The following CISH variants were observed in gnomAD, a reference collection of about 807,000 sequenced individuals.
CISH encodes cytokine-inducible SH2-containing protein.
CISH carries 11 observed loss-of-function variants against 21.3 expected under a neutral mutation model. The ratio of observed to expected loss-of-function variants is 0.52; its 90% confidence interval spans 0.32 to 0.85. The LOEUF is 0.85. Ranked by LOEUF, CISH falls within the 40% of genes least tolerant of loss-of-function variation. The probability of loss-of-function intolerance (pLI) is 0.03; values close to 1 mark genes in which losing one functional copy is unlikely to be tolerated. For missense variants in CISH, 280 were observed against 351.7 expected (o/e 0.80, Z 1.63); for synonymous variants, 118 against 142.3 (o/e 0.83, Z 1.22).
chr3:50,608,567 C>G lies in CISH; in HGVS notation c.47G>C (p.Arg16Pro), dbSNP rs561018699. ...QGPRPLLAVE[R>P]TGQRPLWAPS... ...GGCCCACAGGGGCCGCTGCCCAGTCCGCTCCACAGCCAGCAAAGGACGAGG... is the reference window on the plus strand; with the variant it reads ...GGCCCACAGGGGCCGCTGCCCAGTCGGCTCCACAGCCAGCAAAGGACGAGG... Residue 16 changes from arginine (R) to proline (P), a missense_variant, in exon 2 of 3, where the codon CGG becomes CCG. Coordinates refer to ENST00000348721, the MANE Select transcript of CISH (RefSeq NM_145071.4). 6.4e-7 allele frequency: 1 copy of G among 1,552,118 alleles called. No individual in the cohort carries two copies. The highest frequency in any genetic ancestry group is 1.2e-5 in the South Asian group (1 of 81,820).
chr3:50,610,068 A>C (rs2050784667), intron 1 of CISH: 2 of 416,702 alleles, frequency 4.8e-6, no homozygotes, highest in Non-Finnish European at 8.9e-6. Flanking sequence ...CAACTCTGGC[A>C]CACCACAGCC....
rs17051027 is a variant in CISH at position 50,610,003 on chromosome 3, T to G, written c.21-1410A>C. 1,151 of 252,844 alleles carry G rather than the reference T, an allele frequency of 4.6e-3. 9 individuals are homozygous for G. Among genetic ancestry groups the G allele is most frequent in the African/African-American group, 0.023 (1,056 of 45,324 alleles). 15.7% of individuals were successfully genotyped at this position (252,844 alleles called of 1,614,324 possible). On this transcript the variant is annotated intron_variant, in intron 1 of 2. Coordinates refer to ENST00000348721, the MANE Select transcript of CISH (RefSeq NM_145071.4). Reference sequence around the variant, plus strand: ...CTCCTGTGTAGGTTATAGGTGACCCTCTAGGTTCTAACAAATCATGGCCCT... The same window carrying G: ...CTCCTGTGTAGGTTATAGGTGACCCGCTAGGTTCTAACAAATCATGGCCCT...
chr3:50,608,113 C>T lies in CISH; in HGVS notation c.271G>A (p.Glu91Lys), dbSNP rs766498255. The T allele has an allele frequency of 1.3e-5, 21 of 1,608,066 alleles. No homozygotes were observed. The highest frequency in any genetic ancestry group is 2.7e-5 in the African/African-American group (2 of 74,812). Reference sequence around the variant, plus strand: ...ATCTTCTGCAGGTGTTGTCGGGCCTCGCTGGCCGTAATGGAACCCCAATAC... The same window carrying T: ...ATCTTCTGCAGGTGTTGTCGGGCCTTGCTGGCCGTAATGGAACCCCAATAC... ...GWYWGSITAS[E>K]ARQHLQKMPE... The change falls in exon 3 of 3, where the codon GAG becomes AAG. Residue 91 changes from glutamate (E) to lysine (K), a missense_variant. Coordinates refer to ENST00000348721, the MANE Select transcript of CISH (RefSeq NM_145071.4).
intron 1 of CISH, chr3:50,610,151 C>T: frequency 3.4e-6 from 2 of 584,072 alleles, no homozygotes. Context: ...GAGCTGGAGG[C>T]CAAATTTTGA....
chr3:50,607,922 C>T lies in CISH; in HGVS notation c.462G>A (p.Pro154=), dbSNP rs150312199. 30 of 1,613,732 alleles carry T rather than the reference C, an allele frequency of 1.9e-5. No individual in the cohort carries two copies. The highest frequency in any genetic ancestry group is 3.3e-4 in the Middle Eastern group (2 of 6,084). Residue 154 remains proline (P), a synonymous_variant, in exon 3 of 3, where the codon CCG becomes CCA. Transcript: ENST00000348721. ...AGTGCTGCACAAGGCTGACCACATCCGGAAAGGCCAGGATGCGTGGCCTGG... is the reference window on the plus strand; with the variant it reads ...AGTGCTGCACAAGGCTGACCACATCTGGAAAGGCCAGGATGCGTGGCCTGG... ...CLSRPRILAF[P]DVVSLVQHYV...
In CISH at chr3:50,611,693, A is replaced by C. The variant is rs1575988499; in HGVS notation, c.-43T>G. On this transcript the variant is annotated 5_prime_UTR_variant, in exon 1 of 3. Transcript: ENST00000348721. Reference sequence around the variant, plus strand: ...GACTCCGGAGTGGGGACTCGGCTGGACGGCGGCGGCTGGAGGGAACCAGTG... The same window carrying C: ...GACTCCGGAGTGGGGACTCGGCTGGCCGGCGGCGGCTGGAGGGAACCAGTG... 1 of 1,459,062 alleles carries C rather than the reference A, an allele frequency of 6.9e-7. No homozygotes were observed. The highest frequency in any genetic ancestry group is 9.0e-7 in the Non-Finnish European group (1 of 1,106,466). 90.4% of individuals were successfully genotyped at this position (1,459,062 alleles called of 1,614,324 possible).
At chr3:50,611,418 G>A (rs2032321384) in intron 1 of CISH, 1 of 1,362,224 alleles carries the variant, frequency 7.3e-7, no homozygotes, top group African/African-American at 1.5e-5. Flanking sequence ...CCAGCCCCCG[G>A]TTTCCCAATC....
Position 50,607,316 on chromosome 3 carries a change from G to A in CISH, c.*291C>T. On this transcript the variant is annotated 3_prime_UTR_variant, in exon 3 of 3. Coordinates refer to ENST00000348721, the MANE Select transcript of CISH (RefSeq NM_145071.4). ...AGGTGGCCAGGGCAGGCAAGCGAGTGGAGGTCTGGGCCCAGCCCACAGGTG... is the reference window on the plus strand; with the variant it reads ...AGGTGGCCAGGGCAGGCAAGCGAGTAGAGGTCTGGGCCCAGCCCACAGGTG... 1 of 428,284 alleles carries A rather than the reference G, an allele frequency of 2.3e-6. No homozygotes were observed. Among genetic ancestry groups the A allele is most frequent in the East Asian group, 3.9e-5 (1 of 25,634 alleles). 26.5% of individuals were successfully genotyped at this position (428,284 alleles called of 1,614,324 possible). A position where few individuals can be genotyped will look rare whatever the true frequency, so the allele number is the denominator to read the frequency against.
chr3:50,611,241 A>G, intron 1 of CISH: 1 of 1,094,936 alleles, frequency 9.1e-7, no homozygotes, highest in East Asian at 6.8e-5. Flanking sequence ...GGCTGGTCCA[A>G]GGTTACTAGC....
At chr3:50,610,580 C>G in intron 1 of CISH, 1 of 1,491,400 alleles carries the variant, frequency 6.7e-7, no homozygotes, top group Non-Finnish European at 9.0e-7. Flanking sequence ...CAGGGGGAGG[C>G]TCCTGGGGTG....
At position 50,607,558 on chromosome 3, in the gene CISH, T is replaced by C. The variant is rs1245802861; in HGVS notation, c.*49A>G. 6.4e-7 allele frequency: 1 copy of C among 1,551,292 alleles called. No individual in the cohort carries two copies. The highest frequency in any genetic ancestry group is 2.3e-5 in the East Asian group (1 of 44,138). ...GGCCCAAGTCCAGCTGGGGCTGATG[T>C]CCCCTCCAGGGTGCGACTGGGTGAG... On this transcript the variant is annotated 3_prime_UTR_variant, in exon 3 of 3. Coordinates refer to ENST00000348721, the MANE Select transcript of CISH (RefSeq NM_145071.4).
In CISH at chr3:50,607,224, C is replaced by G. The variant is rs2032177034; in HGVS notation, c.*383G>C. 4.2e-6 allele frequency: 1 copy of G among 235,370 alleles called. No homozygotes were observed. Among genetic ancestry groups the G allele is most frequent in the Non-Finnish European group, 8.4e-6 (1 of 118,736 alleles). The allele number at this position is 235,370 out of a possible 1,614,324, so 14.6% of individuals were successfully genotyped here. On this transcript the variant is annotated 3_prime_UTR_variant, in exon 3 of 3. Coordinates refer to ENST00000348721, the MANE Select transcript of CISH (RefSeq NM_145071.4). ...TCATCCTCCCAGAAACAGAGGCTGG[C>G]TGCCAGTAGGGGTCCTACCCGACCC...
chr3:50,608,178 G>A, intron 2 of CISH, 36 bp from the exon 3 acceptor site: 1 of 1,570,492 alleles, frequency 6.4e-7, no homozygotes, highest in Non-Finnish European at 8.7e-7. Context: ...GGACATAGTG[G>A]AAATTAGCTG....
At position 50,611,748 on chromosome 3, in the gene CISH, G is replaced by T; in HGVS notation, c.-98C>A. ...CGGAGCGCGTGCTGGGTAGGCTCCC[G>T]GGGCGCGCGGGCGCAGGACAGGGAC... On this transcript the variant is annotated 5_prime_UTR_variant, in exon 1 of 3. Coordinates refer to ENST00000348721, the MANE Select transcript of CISH (RefSeq NM_145071.4). 1 of 1,381,426 alleles carries T rather than the reference G, an allele frequency of 7.2e-7. No homozygotes were observed. Among genetic ancestry groups the T allele is most frequent in the Admixed American group, 3.8e-5 (1 of 26,282 alleles). 85.6% of individuals were successfully genotyped at this position (1,381,426 alleles called of 1,614,324 possible). A position where few individuals can be genotyped will look rare whatever the true frequency, so the allele number is the denominator to read the frequency against.
In CISH at chr3:50,607,323, T is replaced by A; in HGVS notation, c.*284A>T. 1 of 452,300 alleles carries A rather than the reference T, an allele frequency of 2.2e-6. No individual in the cohort carries two copies. The highest frequency in any genetic ancestry group is 3.1e-5 in the South Asian group (1 of 32,342). The allele number at this position is 452,300 out of a possible 1,614,324, so 28.0% of individuals were successfully genotyped here. A position where few individuals can be genotyped will look rare whatever the true frequency, so the allele number is the denominator to read the frequency against. ...CAGGGCAGGCAAGCGAGTGGAGGTC[T>A]GGGCCCAGCCCACAGGTGAGACAAG... On this transcript the variant is annotated 3_prime_UTR_variant, in exon 3 of 3. Transcript: ENST00000348721.
chr3:50,611,125 C>T lies in CISH; in HGVS notation c.20+506G>A, dbSNP rs1575987728. 3.4e-6 allele frequency: 3 copies of T among 882,600 alleles called. No individual in the cohort carries two copies. The East Asian group carries it at 6.8e-4, about 202-fold the overall frequency. 54.7% of individuals were successfully genotyped at this position (882,600 alleles called of 1,614,324 possible). A position where few individuals can be genotyped will look rare whatever the true frequency, so the allele number is the denominator to read the frequency against. ...GGGCCTCCCGAGAGTTGCAGACCATCAGGTGCCAGCCTGAGGAAAGGCAAG... is the reference window on the plus strand; with the variant it reads ...GGGCCTCCCGAGAGTTGCAGACCATTAGGTGCCAGCCTGAGGAAAGGCAAG... On this transcript the variant is annotated intron_variant, in intron 1 of 2. Coordinates refer to ENST00000348721, the MANE Select transcript of CISH (RefSeq NM_145071.4).
At chr3:50,608,283 G>T in intron 2 of CISH, 90 bp downstream of exon 2, 2 of 1,463,638 alleles carry the variant, frequency 1.4e-6, no homozygotes, top group East Asian at 2.3e-5. Context: ...CCTGGGCCGG[G>T]CTATGCCTCC....
intron 1 of CISH, 113 bp from the exon 2 acceptor site, chr3:50,608,706 A>G: frequency 1.5e-6 from 1 of 682,144 alleles, no homozygotes; most frequent in Non-Finnish European, 2.2e-6. Flanking sequence ...TCTCACTATG[A>G]GCCTCAGCTT....
intron 1 of CISH, chr3:50,611,403 G>C: frequency 1.5e-6 from 2 of 1,359,330 alleles, no homozygotes; most frequent in Non-Finnish European, 1.9e-6. Flanking sequence ...TCCTCCTTTA[G>C]CCGGCCAGCC....
Sources: gnomAD v4.1 joint callset for allele counts on GRCh38, gnomAD v4.1.1 for gene constraint, MANE v1.5 for transcripts, NCBI Gene and HGNC (gene_info 2026-07-23, HGNC 2026-07-21) for gene names.